The following IFNAR2 variants were observed in gnomAD, a reference collection of about 807,000 sequenced individuals.
The protein encoded by IFNAR2 is interferon alpha/beta receptor 2.
A neutral mutation model predicts 49.4 loss-of-function variants in IFNAR2; 30 were observed. The observed-to-expected ratio is 0.61, with a 90% CI of 0.45 to 0.82. IFNAR2 has a LOEUF of 0.82. Among genes scored for constraint, IFNAR2 ranks in the 40% least tolerant of loss-of-function variants. IFNAR2 has a pLI of 0.00. For missense variants in IFNAR2, 600 were observed against 622.7 expected, an observed-to-expected ratio of 0.96 and a Z score of 0.39; for synonymous variants, 224 against 234.5, an observed-to-expected ratio of 0.96 and a Z score of 0.41.
At chr21:33,248,468 G>T (rs957549465) in intron 5 of IFNAR2, among the ~76,000 whole-genome samples, 1 of 151,992 alleles carries the variant, frequency 6.6e-6, no homozygotes, top group African/African-American at 2.4e-5. Context: ...TTAGTTCCAA[G>T]AATATCCCAT....
chr21:33,256,924 C>T (rs1011926298), intron 7 of IFNAR2, among the ~76,000 whole-genome samples: 1 of 152,146 alleles, frequency 6.6e-6, no homozygotes, highest in African/African-American at 2.4e-5. Context: ...GAGCAGGTTG[C>T]TGTTTTTAAT....
rs200290441 is a variant in IFNAR2 at position 33,246,679 on chromosome 21, T to A, written c.222-39T>A. 129 of 1,561,188 alleles carry A rather than the reference T, an allele frequency of 8.3e-5. 1 individual carries two copies. The Admixed American group carries it at 8.6e-4, about 10-fold the overall frequency. Reference sequence around the variant, plus strand: ...CAAAAATAGACTCTCATTACATCAATGCTAACAATTTCCTTTTTCCATTTT... The same window carrying A: ...CAAAAATAGACTCTCATTACATCAAAGCTAACAATTTCCTTTTTCCATTTT... On this transcript the variant is annotated intron_variant, in intron 4 of 8. Coordinates refer to ENST00000342136, the MANE Select transcript of IFNAR2 (RefSeq NM_001289125.3).
At position 33,243,657 on chromosome 21, in the gene IFNAR2, G is replaced by A. The variant is rs759720044; in HGVS notation, c.56-16G>A. 3.8e-5 allele frequency: 61 copies of A among 1,609,200 alleles called. No homozygotes were observed. Among genetic ancestry groups the A allele is most frequent in the Non-Finnish European group, 5.1e-5 (60 of 1,175,884 alleles). On this transcript the variant is annotated splice_polypyrimidine_tract_variant and intron_variant, in intron 2 of 8. Coordinates refer to ENST00000342136, the MANE Select transcript of IFNAR2 (RefSeq NM_001289125.3). Reference sequence around the variant, plus strand: ...GATAAAACTATTGCCTCTCTAATGTGTTTTCTTCCTTCTAGTGTATATCAG... The same window carrying A: ...GATAAAACTATTGCCTCTCTAATGTATTTTCTTCCTTCTAGTGTATATCAG...
chr21:33,251,768 AG>A, intron 6 of IFNAR2: 2 of 985,334 alleles, frequency 2.0e-6, no homozygotes, highest in Non-Finnish European at 2.4e-6. Context: ...ATGCAACTAC[AG>A]GAAAGAAGAG....
At chr21:33,245,715 C>T (rs533342406) in intron 4 of IFNAR2, among the ~76,000 whole-genome samples, 23 of 152,356 alleles carry the variant, frequency 1.5e-4, no homozygotes, top group African/African-American at 5.0e-4. Context: ...TTTGATCCAG[C>T]AGCCCCTTGG....
At chr21:33,256,266 G>T (rs1208275116) in intron 7 of IFNAR2, among the ~76,000 whole-genome samples, 1 of 152,190 alleles carries the variant, frequency 6.6e-6, no homozygotes, top group Non-Finnish European at 1.5e-5. Flanking sequence ...TGGCGTGAAT[G>T]CGTCATGTTG....
intron 1 of IFNAR2, among the ~76,000 whole-genome samples, chr21:33,238,212 C>G (rs965429434): frequency 1.3e-5 from 2 of 152,180 alleles, no homozygotes; most frequent in African/African-American, 4.8e-5. Flanking sequence ...CCCCAGCAAG[C>G]CTTTGTCTCC....
At chr21:33,240,465 C>A (rs759166409) in intron 1 of IFNAR2, among the ~76,000 whole-genome samples, 13 of 152,164 alleles carry the variant, frequency 8.5e-5, no homozygotes, top group African/African-American at 1.2e-4. Context: ...TCTCAGAACA[C>A]AGCACTGTTC....
intron 6 of IFNAR2, chr21:33,251,593 A>G (rs909668425): frequency 6.1e-6 from 6 of 985,362 alleles, no homozygotes; most frequent in Middle Eastern, 5.2e-4. Flanking sequence ...CCTCCCAAAC[A>G]GAAATTTACA....
chr21:33,237,081 G>A (rs774041355), intron 1 of IFNAR2, among the ~76,000 whole-genome samples: 351 of 94,024 alleles, frequency 3.7e-3, no homozygotes, highest in African/African-American at 7.1e-3. Context: ...AGAATGGGGT[G>A]TGTGTGTGTG....
At chr21:33,242,594 G>A (rs1055898255) in intron 2 of IFNAR2, among the ~76,000 whole-genome samples, 24 of 151,292 alleles carry the variant, frequency 1.6e-4, no homozygotes, top group African/African-American at 3.9e-4. Flanking sequence ...TTAGGCGGGC[G>A]TGGTGGCGGG....
chr21:33,230,523 A>G lies in IFNAR2; in HGVS notation c.-84+307A>G, dbSNP rs17860119. ...CGCGTCCCACCCCACCCCACCAAGGATGCCCAGGATACCGGGCATTTGCCA... is the reference window on the plus strand; with the variant it reads ...CGCGTCCCACCCCACCCCACCAAGGGTGCCCAGGATACCGGGCATTTGCCA... On this transcript the variant is annotated intron_variant, in intron 1 of 8. Coordinates refer to ENST00000342136, the MANE Select transcript of IFNAR2 (RefSeq NM_001289125.3). This position sits in a 1 kb window ranked among gnomAD's most constrained non-coding sequence, Gnocchi z 5.5. 6.6e-5 allele frequency: 31 copies of G among 470,278 alleles called. No homozygotes were observed. The highest frequency in any genetic ancestry group is 5.4e-4 in the Admixed American group (23 of 42,508). 29.1% of individuals were successfully genotyped at this position (470,278 alleles called of 1,614,324 possible). A position where few individuals can be genotyped will look rare whatever the true frequency, so the allele number is the denominator to read the frequency against.
In IFNAR2 at chr21:33,245,070, A is replaced by G. The variant is rs142850110; in HGVS notation, c.217A>G (p.Met73Val). 4.4e-5 allele frequency: 70 copies of G among 1,607,638 alleles called. No individual in the cohort carries two copies. Among genetic ancestry groups the G allele is most frequent in the Non-Finnish European group, 5.3e-5 (62 of 1,174,340 alleles). The change falls in exon 4 of 9, where the codon ATG (methionine) becomes GTG (valine). Residue 73 changes from methionine (M) to valine (V), a missense_variant. Met to Val is a conservative substitution (Grantham distance 21). Transcript: ENST00000342136. ...PTHYTLLYTI[M>V]SKPEDLKVVK... ...TCACTATACATTGCTGTATACAATC[A>G]TGAGGTTGGTTTGATATTTCATTTT...
At chr21:33,252,441 A>G (rs1987920442) in intron 6 of IFNAR2, 2 of 984,628 alleles carry the variant, frequency 2.0e-6, no homozygotes, top group Middle Eastern at 5.2e-4. Flanking sequence ...ACTAGATGTC[A>G]TGGTTATAAA....
At chr21:33,249,782 T>G (rs948916220) in intron 6 of IFNAR2, among the ~76,000 whole-genome samples, 1 of 152,192 alleles carries the variant, frequency 6.6e-6, no homozygotes. Flanking sequence ...GCCTGAGAGA[T>G]AATCAGGGTA....
intron 4 of IFNAR2, among the ~76,000 whole-genome samples, chr21:33,246,079 T>C (rs1987376380): frequency 6.6e-6 from 1 of 151,832 alleles, no homozygotes; most frequent in African/African-American, 2.4e-5. Flanking sequence ...GCAATTTTTT[T>C]TTTTTTTTTG....
chr21:33,230,226 C>T lies in IFNAR2; in HGVS notation c.-84+10C>T, dbSNP rs1985935797. 5.5e-6 allele frequency: 6 copies of T among 1,095,856 alleles called. No individual in the cohort carries two copies. The highest frequency in any genetic ancestry group is 6.7e-6 in the Non-Finnish European group (6 of 892,650). 67.9% of individuals were successfully genotyped at this position (1,095,856 alleles called of 1,614,324 possible). ...GGCGAGAGCTGCAAAGGTAACGCAG[C>T]GTGGCGGGGTCGCGGGAGCGGAGCG... On this transcript the variant is annotated intron_variant, in intron 1 of 8. Transcript: ENST00000342136. The surrounding 1 kb of genome is among the most constrained non-coding windows in gnomAD (Gnocchi z 5.5).
intron 6 of IFNAR2, chr21:33,251,914 C>G (rs1987864535): frequency 4.2e-6 from 1 of 237,150 alleles, no homozygotes; most frequent in Non-Finnish European, 6.9e-6. Context: ...GAAACCCCAT[C>G]TCTACTAAAA....
Position 33,229,938 on chromosome 21 carries a change from G to C in IFNAR2, c.-362G>C. On this transcript the variant is annotated 5_prime_UTR_variant, in exon 1 of 9. Transcript: ENST00000342136. Reference sequence around the variant, plus strand: ...GCGGCGGCGCGGCGCCCGCGCTTCCGTATCGCTCCTCGTAGGCCGGGGCTC... The same window carrying C: ...GCGGCGGCGCGGCGCCCGCGCTTCCCTATCGCTCCTCGTAGGCCGGGGCTC... The C allele has an allele frequency of 1.0e-6, 1 of 982,802 alleles. No individual in the cohort carries two copies. The highest frequency in any genetic ancestry group is 4.6e-5 in the South Asian group (1 of 21,650). The allele number at this position is 982,802 out of a possible 1,614,324, so 60.9% of individuals were successfully genotyped here.
Sources: gnomAD v4.1 joint callset for allele counts (sites outside exome capture counted in the v4.1 genomes callset) on GRCh38, gnomAD v4.1.1 for gene constraint, Gnocchi (gnomAD v3.1) non-coding constraint, MANE v1.5 for transcripts, NCBI Gene and HGNC (gene_info 2026-07-23, HGNC 2026-07-21) for gene names.